Variants in TNPO2 observed in about 807,000 individuals in gnomAD.
The protein encoded by TNPO2 is transportin-2.
In TNPO2, 16 loss-of-function variants were observed where a neutral mutation model predicts 111.1. That is an observed-to-expected ratio of 0.14 (90% CI 0.10 to 0.22). The LOEUF is 0.22. Among genes scored for constraint, TNPO2 ranks in the 10% least tolerant of loss-of-function variants. The probability of loss-of-function intolerance (pLI) is 1.00; values close to 1 mark genes in which losing one functional copy is unlikely to be tolerated. For missense variants in TNPO2, 530 were observed against 1,173.7 expected (o/e 0.45, Z 8.01); for synonymous variants, 481 against 475.8 (o/e 1.01, Z -0.14).
rs756416352 is a variant in TNPO2, at chr19:12,702,115, G to C, written c.2368C>G (p.Pro790Ala). 28 of 1,613,488 alleles carry C rather than the reference G, an allele frequency of 1.7e-5. No homozygotes were observed. The highest frequency in any genetic ancestry group is 5.0e-5 in the Admixed American group (3 of 60,004). ...TGCAGCATGGGTGCCACCTCCTGGG[G>C]GCACACGTAGCCCAAGCGGCCGATG... is the stretch of plus-strand genomic sequence containing the variant. The part of the protein sequence containing the change: ...ITIGRLGYVC[P>A]QEVAPMLQQF... Residue 790 changes from proline to alanine, a missense_variant, in exon 22 of 26, where the codon CCC becomes GCC. Physicochemically the swap from Pro to Ala is conservative, Grantham distance 27. Around this residue, in one of 4 missense-constraint regions of TNPO2, gnomAD observed 103 missense variants for 156.7 expected, o/e 0.66. Transcript: ENST00000425528. This position sits in a 1 kb window ranked among gnomAD's most constrained non-coding sequence, Gnocchi z 5.5.
intron 2 of TNPO2, chr19:12,722,582 A>AG (rs1568341193): frequency 2.0e-5 from 3 of 149,726 alleles, no homozygotes; most frequent in African/African-American, 7.4e-5. Flanking sequence ...AAAAAAAAAA[A>AG]AAAGAAAGAA....
Position 12,720,864 on chromosome 19 carries a change from A to G in TNPO2, c.99+15T>C, listed in dbSNP as rs1224002526. 2 of 1,579,152 alleles carry G rather than the reference A, an allele frequency of 1.3e-6. No individual in the cohort carries two copies. The highest frequency in any genetic ancestry group is 8.6e-7 in the Non-Finnish European group (1 of 1,163,818). On this transcript the variant is annotated intron_variant, in intron 3 of 25. Transcript: ENST00000425528. The stretch of plus-strand genomic sequence containing the variant: ...TCTACCCGGCTCCCCCAGCCCCGGA[A>G]GGAAGGAAGGATACATCCTGCACGA...
At chr19:12,709,646 T>G (rs2025922770) in intron 13 of TNPO2, among the ~76,000 whole-genome samples, 1 of 150,482 alleles carries the variant, frequency 6.6e-6, no homozygotes, top group Non-Finnish European at 1.5e-5. Flanking sequence ...TATCAGGTTT[T>G]TTTTTTTTTT....
chr19:12,721,338 G>A lies in TNPO2; in HGVS notation c.-13-348C>T. 7.9e-7 allele frequency: 1 copy of A among 1,269,424 alleles called. No homozygotes were observed. Among genetic ancestry groups the A allele is most frequent in the Non-Finnish European group, 1.0e-6 (1 of 983,098 alleles). The allele number at this position is 1,269,424 out of a possible 1,614,324, so 78.6% of individuals were successfully genotyped here. Reference sequence around the variant, plus strand: ...CCCGAAGGCTTCCACCTCCCTCGCAGCGGCTGGGCGAGGGCCCAGCCGCCT... The same window carrying A: ...CCCGAAGGCTTCCACCTCCCTCGCAACGGCTGGGCGAGGGCCCAGCCGCCT... On this transcript the variant is annotated intron_variant, in intron 2 of 25. Coordinates refer to ENST00000425528, the MANE Select transcript of TNPO2 (RefSeq NM_001382241.1). The surrounding 1 kb of genome is among the most constrained non-coding windows in gnomAD (Gnocchi z 4.9).
intron 13 of TNPO2, among the ~76,000 whole-genome samples, chr19:12,708,170 TCCC>T (rs1057255333): frequency 2.0e-5 from 3 of 151,926 alleles, no homozygotes; most frequent in African/African-American, 7.3e-5. Context: ...TCTCGCTCTG[TCCC>T]CCAAGGAGGA....
chr19:12,707,654 A>G lies in TNPO2; in HGVS notation c.1271-859T>C, dbSNP rs148625173. ...CAGGCGCCCGCCACCATACCCAACT[A>G]ATTTTTATATTTTTAGTAGAGACGG... On this transcript the variant is annotated intron_variant, in intron 13 of 25. Transcript: ENST00000425528. Among the ~76,000 whole-genome samples the G allele has an allele frequency of 3.4e-3, 512 of 150,770 alleles. 4 individuals are homozygous for G. The highest frequency in any genetic ancestry group is 0.012 in the African/African-American group (483 of 41,008).
chr19:12,721,062 G>A lies in TNPO2; in HGVS notation c.-13-72C>T. On this transcript the variant is annotated intron_variant, in intron 2 of 25. Coordinates refer to ENST00000425528, the MANE Select transcript of TNPO2 (RefSeq NM_001382241.1). This position sits in a 1 kb window ranked among gnomAD's most constrained non-coding sequence, Gnocchi z 4.9. ...TGTGAGACCCAGGTGGAGCCCCTGA[G>A]GCCGCGGTGGCCGCATGACGACGGG... 6.5e-7 allele frequency: 1 copy of A among 1,532,406 alleles called. No individual in the cohort carries two copies. The highest frequency in any genetic ancestry group is 8.7e-7 in the Non-Finnish European group (1 of 1,145,018). 94.9% of individuals were successfully genotyped at this position (1,532,406 alleles called of 1,614,324 possible). A position where few individuals can be genotyped will look rare whatever the true frequency, so the allele number is the denominator to read the frequency against.
Position 12,701,943 on chromosome 19 carries a change from G to T in TNPO2, c.2412-92C>A. 7.1e-7 allele frequency: 1 copy of T among 1,404,276 alleles called. No homozygotes were observed. The highest frequency in any genetic ancestry group is 1.0e-6 in the Non-Finnish European group (1 of 991,430). The allele number at this position is 1,404,276 out of a possible 1,614,324, so 87.0% of individuals were successfully genotyped here. A position where few individuals can be genotyped will look rare whatever the true frequency, so the allele number is the denominator to read the frequency against. On this transcript the variant is annotated intron_variant, in intron 22 of 25. Transcript: ENST00000425528. The surrounding 1 kb of genome is among the most constrained non-coding windows in gnomAD (Gnocchi z 5.0). ...ACTGGGGATCAGTGAGTGGGCCTGG[G>T]ACATGCATCTGTGGGGGTGGGGCAG...
chr19:12,707,479 CTTTTTTTTTTTTTT>C lies in TNPO2; in HGVS notation c.1271-698_1271-685del, dbSNP rs56817777. Among the ~76,000 whole-genome samples, 175 of 75,026 alleles carry C rather than the reference CTTTTTTTTTTTTTT, an allele frequency of 2.3e-3. 2 individuals carry two copies. Among genetic ancestry groups the C allele is most frequent in the Admixed American group, 7.0e-3 (42 of 5,958 alleles). The allele number at this position is 75,026 out of a possible 152,430, so 49.2% of individuals were successfully genotyped here. A position where few individuals can be genotyped will look rare whatever the true frequency, so the allele number is the denominator to read the frequency against. On this transcript the variant is annotated intron_variant, in intron 13 of 25. Transcript: ENST00000425528. Reference sequence around the variant, plus strand: ...AGTTCTTAAGATGTTTGTGAGTTTTCTTTTTTTTTTTTTTTTTTTTTTTTTTTTGAGATGGAGTC... The same window carrying C: ...AGTTCTTAAGATGTTTGTGAGTTTTCTTTTTTTTTTTTTTGAGATGGAGTC...
At position 12,701,573 on chromosome 19, in the gene TNPO2, G is replaced by A; in HGVS notation, c.2586+25C>T. 6.2e-7 allele frequency: 1 copy of A among 1,613,224 alleles called. No individual in the cohort carries two copies. The highest frequency in any genetic ancestry group is 1.3e-5 in the African/African-American group (1 of 74,996). On this transcript the variant is annotated intron_variant, in intron 24 of 25. Coordinates refer to ENST00000425528, the MANE Select transcript of TNPO2 (RefSeq NM_001382241.1). This position sits in a 1 kb window ranked among gnomAD's most constrained non-coding sequence, Gnocchi z 5.0. ...TCACCCCTGCCTGCTCCCGGAACTA[G>A]ATCAGGGCCCAGACAGAGCCTCACC...
chr19:12,707,819 TTTA>T (rs1188381430), intron 13 of TNPO2, among the ~76,000 whole-genome samples: 9 of 151,536 alleles, frequency 5.9e-5, no homozygotes, highest in African/African-American at 1.5e-4. Flanking sequence ...AATTTTTTAA[TTTA>T]TTATTATTAT....
intron 13 of TNPO2, among the ~76,000 whole-genome samples, chr19:12,708,010 C>T (rs1185878397): frequency 5.3e-5 from 8 of 151,988 alleles, no homozygotes; most frequent in South Asian, 4.1e-4. Flanking sequence ...TTAGCAGAGA[C>T]GAAGTTTCAC....
chr19:12,710,173 G>A (rs759220484), intron 13 of TNPO2, among the ~76,000 whole-genome samples: 21 of 151,932 alleles, frequency 1.4e-4, no homozygotes, highest in Non-Finnish European at 2.2e-4. Flanking sequence ...AGGCCAGCCC[G>A]GCAGCCAGGA....
Position 12,703,704 on chromosome 19 carries a change from A to C in TNPO2, c.2110+10T>G, listed in dbSNP as rs2025463697. ...GGGGTCATGGGTTAGGGACAAGGCG[A>C]GTGTCGTACCGATACAGGGCTTGAC... is the stretch of plus-strand genomic sequence containing the variant. On this transcript the variant is annotated intron_variant, in intron 19 of 25. Transcript: ENST00000425528. The C allele has an allele frequency of 1.2e-6, 2 of 1,606,872 alleles. No individual in the cohort carries two copies. The highest frequency in any genetic ancestry group is 1.7e-6 in the Non-Finnish European group (2 of 1,176,618).
In TNPO2 at chr19:12,701,696, G is replaced by A. The variant is rs747276534; in HGVS notation, c.2512-24C>T. 9.9e-6 allele frequency: 16 copies of A among 1,613,594 alleles called. No individual in the cohort carries two copies. The highest frequency in any genetic ancestry group is 1.7e-5 in the Admixed American group (1 of 59,992). Reference sequence around the variant, plus strand: ...TCCTGAAACGTGACGGATCCCAGGTGAGGGGCCGCCCGAGCCCAGCGCCCG... The same window carrying A: ...TCCTGAAACGTGACGGATCCCAGGTAAGGGGCCGCCCGAGCCCAGCGCCCG... On this transcript the variant is annotated intron_variant, in intron 23 of 25. Coordinates refer to ENST00000425528, the MANE Select transcript of TNPO2 (RefSeq NM_001382241.1). This position sits in a 1 kb window ranked among gnomAD's most constrained non-coding sequence, Gnocchi z 5.0.
rs1330931245 is a variant in TNPO2, at chr19:12,705,223, C to G, written c.2022+17G>C. On this transcript the variant is annotated intron_variant, in intron 18 of 25. Coordinates refer to ENST00000425528, the MANE Select transcript of TNPO2 (RefSeq NM_001382241.1). This position sits in a 1 kb window ranked among gnomAD's most constrained non-coding sequence, Gnocchi z 7.2. The stretch of plus-strand genomic sequence containing the variant: ...GCAGGCTGCTGGGTGTCATCACTGT[C>G]CAGGGTCCCCACCCACCTGCATGCA... 5.0e-6 allele frequency: 8 copies of G among 1,595,490 alleles called. No homozygotes were observed. Among genetic ancestry groups the G allele is most frequent in the Non-Finnish European group, 6.8e-6 (8 of 1,172,008 alleles).
Position 12,706,668 on chromosome 19 carries a change from C to G in TNPO2, c.1398G>C (p.Val466=). 4 of 1,613,948 alleles carry G rather than the reference C, an allele frequency of 2.5e-6. No individual in the cohort carries two copies. Among genetic ancestry groups the G allele is most frequent in the Non-Finnish European group, 3.4e-6 (4 of 1,179,888 alleles). The change falls in exon 14 of 26, where the codon GTG becomes GTC. Residue 466 remains valine (V), a synonymous_variant. Coordinates refer to ENST00000425528, the MANE Select transcript of TNPO2 (RefSeq NM_001382241.1). The surrounding 1 kb of genome is among the most constrained non-coding windows in gnomAD (Gnocchi z 7.0). ...CWTLSRYAHW[V]VSQPPDMHLK... is the part of the protein sequence containing the mutation. Reference sequence around the variant, plus strand: ...GGTGCATGTCGGGTGGCTGGCTGACCACCCAGTGGGCATAGCGGCTCAGCG... The same window carrying G: ...GGTGCATGTCGGGTGGCTGGCTGACGACCCAGTGGGCATAGCGGCTCAGCG...
At chr19:12,703,566 CCAGGGTAAGCTG>C (rs1228280964) in intron 19 of TNPO2, 40 bp from the exon 20 acceptor site, 2 of 1,604,356 alleles carry the variant, frequency 1.2e-6, no homozygotes, top group Non-Finnish European at 1.7e-6. Flanking sequence ...GGAGGGCCAG[CCAGGGTAAGCTG>C]CAGGACCTAG....
intron 13 of TNPO2, among the ~76,000 whole-genome samples, chr19:12,707,140 G>A (rs1255785946): frequency 6.6e-6 from 1 of 152,166 alleles, no homozygotes; most frequent in African/African-American, 2.4e-5. Flanking sequence ...TGGGATTACA[G>A]GCCTCTGCCA....
Sources: gnomAD v4.1 joint callset for allele counts (sites outside exome capture counted in the v4.1 genomes callset) on GRCh38, gnomAD v4.1.1 for gene constraint, gnomAD v4.1.1 regional missense constraint, Gnocchi (gnomAD v3.1) non-coding constraint, MANE v1.5 for transcripts, NCBI Gene and HGNC (gene_info 2026-07-23, HGNC 2026-07-21) for gene names.